DNAH1: variants seen among roughly 807,000 people sequenced by gnomAD.
DNAH1 encodes axonemal beta dynein heavy chain 1.
In DNAH1, 327 loss-of-function variants were observed where a neutral mutation model predicts 484.3. The observed-to-expected ratio is 0.68, with a 90% confidence interval of 0.62 to 0.74. The LOEUF (loss-of-function observed/expected upper bound fraction) is 0.74, where lower values mean the gene tolerates loss of function less well. Among genes scored for constraint, DNAH1 ranks in the 30% least tolerant of loss-of-function variants. The pLI is 0.00. For synonymous variants in DNAH1, 2,192 were observed against 2,191.9 expected, an observed-to-expected ratio of 1.00 and a Z score of 0.00; for missense variants, 5,052 against 5,546.8, an observed-to-expected ratio of 0.91 and a Z score of 2.83.
rs138320093 is a variant in DNAH1, at chr3:52,363,082, A to T, written c.5182A>T (p.Ser1728Cys). 1,155 of 1,613,968 alleles carry T rather than the reference A, an allele frequency of 7.2e-4. 17 individuals are homozygous for T. In the Admixed American group the frequency reaches 0.017, roughly 24 times the overall value. ...CTATTCCTTTGGCTTTAATGAGGCC[A>T]GTGTGCTGGCTAAGAAGATCACAAC... Reference protein sequence around the residue: ...SLYSFGFNEASVLAKKITTTF... With the variant: ...SLYSFGFNEACVLAKKITTTF... The change falls in exon 32 of 78, where the codon AGT becomes TGT. Residue 1728 changes from serine (S) to cysteine (C), a missense_variant. By Grantham distance (112) the Ser-to-Cys change is moderately radical. This residue lies in a region of DNAH1 where 2,929 missense variants were observed against 3,409.4 expected (regional missense o/e 0.86). Coordinates refer to ENST00000420323, the MANE Select transcript of DNAH1 (RefSeq NM_015512.5).
intron 3 of DNAH1, among the ~76,000 whole-genome samples, chr3:52,325,433 C>T (rs1267441232): frequency 6.6e-6 from 1 of 152,174 alleles, no homozygotes; most frequent in African/African-American, 2.4e-5. Flanking sequence ...CCATCCCCTC[C>T]TAAAGCAAAT....
chr3:52,375,148 T>C, intron 44 of DNAH1, 92 bp from the exon 45 acceptor site: 1 of 1,392,540 alleles, frequency 7.2e-7, no homozygotes, highest in Non-Finnish European at 9.7e-7. Flanking sequence ...TGTTCTAAAG[T>C]ATAATTTTGA....
rs1467789390 is a variant in DNAH1 at position 52,322,818 on chromosome 3, C to T, written c.333+43C>T. On this transcript the variant is annotated intron_variant, in intron 2 of 77. Coordinates refer to ENST00000420323, the MANE Select transcript of DNAH1 (RefSeq NM_015512.5). ...CCCCTACCAAGCCTCAACCCTTCCT[C>T]TGGGCTCCGTTCACCCATCCTTTCA... 2.0e-6 allele frequency: 3 copies of T among 1,521,280 alleles called. No homozygotes were observed. The African/African-American group carries it at 4.1e-5, about 21-fold the overall frequency. The allele number at this position is 1,521,280 out of a possible 1,614,324, so 94.2% of individuals were successfully genotyped here.
intron 18 of DNAH1, 27 bp downstream of exon 18, chr3:52,352,734 C>A: frequency 6.3e-7 from 1 of 1,598,868 alleles, no homozygotes. Context: ...CACCCTGCCC[C>A]CATGCCCCCA....
intron 8 of DNAH1, 77 bp downstream of exon 8, chr3:52,332,471 T>C: frequency 6.4e-7 from 1 of 1,559,342 alleles, no homozygotes; most frequent in Non-Finnish European, 8.7e-7. Flanking sequence ...TTGGTGCTAC[T>C]CCAGGGTGGA....
In DNAH1 at chr3:52,316,532, T is replaced by C. The variant is rs1700957089; in HGVS notation, c.-48T>C. 1 of 152,280 alleles carries C rather than the reference T, an allele frequency of 6.6e-6. No homozygotes were observed. Among genetic ancestry groups the C allele is most frequent in the African/African-American group, 2.4e-5 (1 of 41,440 alleles). 9.4% of individuals were successfully genotyped at this position (152,280 alleles called of 1,614,324 possible). On this transcript the variant is annotated 5_prime_UTR_variant, in exon 1 of 78. Coordinates refer to ENST00000420323, the MANE Select transcript of DNAH1 (RefSeq NM_015512.5). ...GGATTCAGGAAAGGTTGCACCACCA[T>C]CAGGTCTTGAAGGGTGAGTAGGAGT...
chr3:52,360,472 G>A (rs200069824), intron 28 of DNAH1, 48 bp downstream of exon 28: 1 of 1,508,558 alleles, frequency 6.6e-7, no homozygotes, highest in African/African-American at 1.4e-5. Context: ...CCTCCCTCTA[G>A]TTCTCTCTGG....
At chr3:52,352,478 C>T (rs765921788) in intron 17 of DNAH1, 74 bp from the exon 18 acceptor site, 46 of 1,551,388 alleles carry the variant, frequency 3.0e-5, no homozygotes, top group Admixed American at 1.5e-4. Context: ...CTCTGGTTCC[C>T]TGGGTTTGCA....
At chr3:52,366,939 G>A (rs1361631264) in intron 36 of DNAH1, 52 bp downstream of exon 36, 13 of 1,561,886 alleles carry the variant, frequency 8.3e-6, no homozygotes, top group Non-Finnish European at 1.0e-5. Context: ...GACCTCTGGA[G>A]GCTGTGGGCT....
intron 6 of DNAH1, among the ~76,000 whole-genome samples, chr3:52,330,780 T>C (rs1396737219): frequency 2.6e-5 from 4 of 152,050 alleles, no homozygotes; most frequent in Non-Finnish European, 5.9e-5. Context: ...TTGAAGGGGG[T>C]CCAACTCATT....
intron 42 of DNAH1, 69 bp downstream of exon 42, chr3:52,372,155 C>G: frequency 1.9e-6 from 3 of 1,609,864 alleles, no homozygotes; most frequent in Non-Finnish European, 2.5e-6. Context: ...CAGCCTCCCA[C>G]ATGGATGCAG....
chr3:52,355,131 C>T lies in DNAH1; in HGVS notation c.3693+76C>T. The T allele has an allele frequency of 1.4e-6, 2 of 1,453,226 alleles. No individual in the cohort carries two copies. Among genetic ancestry groups the T allele is most frequent in the South Asian group, 2.3e-5 (2 of 86,544 alleles). 90.0% of individuals were successfully genotyped at this position (1,453,226 alleles called of 1,614,324 possible). A position where few individuals can be genotyped will look rare whatever the true frequency, so the allele number is the denominator to read the frequency against. The stretch of plus-strand genomic sequence containing the variant: ...CCGACCCACAGGTGTCACTGATGGT[C>T]TCCGGGTGGGGTTCAAAGCATCGCA... On this transcript the variant is annotated intron_variant, in intron 21 of 77. Coordinates refer to ENST00000420323, the MANE Select transcript of DNAH1 (RefSeq NM_015512.5). This position sits in a 1 kb window ranked among gnomAD's most constrained non-coding sequence, Gnocchi z 4.5.
At chr3:52,398,816 C>G (rs188030309) in intron 75 of DNAH1, 34 bp from the exon 76 acceptor site, 246 of 1,475,326 alleles carry the variant, frequency 1.7e-4, no homozygotes, top group Non-Finnish European at 2.2e-5. Context: ...GTGACCCCAG[C>G]CCACTACCTA....
chr3:52,385,461 C>T lies in DNAH1; in HGVS notation c.8625+14C>T, dbSNP rs771357499. ...GAGCAGATCAAGGTTGGGGTGCTCCCGAGCCCCTCCCCAATGCCTGACTCT... is the reference window on the plus strand; with the variant it reads ...GAGCAGATCAAGGTTGGGGTGCTCCTGAGCCCCTCCCCAATGCCTGACTCT... On this transcript the variant is annotated intron_variant, in intron 54 of 77. Coordinates refer to ENST00000420323, the MANE Select transcript of DNAH1 (RefSeq NM_015512.5). 1.4e-4 allele frequency: 211 copies of T among 1,548,476 alleles called. No individual in the cohort carries two copies. Among genetic ancestry groups the T allele is most frequent in the Non-Finnish European group, 1.6e-4 (187 of 1,144,592 alleles).
Position 52,359,980 on chromosome 3 carries a change from C to T in DNAH1, c.4472C>T (p.Ala1491Val), listed in dbSNP as rs369943421. 7.4e-6 allele frequency: 12 copies of T among 1,613,918 alleles called. No individual in the cohort carries two copies. The highest frequency in any genetic ancestry group is 4.4e-5 in the South Asian group (4 of 91,088). Reference sequence around the variant, plus strand: ...CGCATGCAGCGGGCAGTGCTGTCAGCGCTAATCGTCATTGAGGTCCATGCC... The same window carrying T: ...CGCATGCAGCGGGCAGTGCTGTCAGTGCTAATCGTCATTGAGGTCCATGCC... ...LSRMQRAVLS[A>V]LIVIEVHAKD... Residue 1491 changes from alanine to valine, a missense_variant, in exon 27 of 78, where the codon GCG (alanine) becomes GTG (valine). Coordinates refer to ENST00000420323, the MANE Select transcript of DNAH1 (RefSeq NM_015512.5).
At chr3:52,337,454 G>C (rs968168676) in intron 8 of DNAH1, among the ~76,000 whole-genome samples, 1 of 152,140 alleles carries the variant, frequency 6.6e-6, no homozygotes, top group Non-Finnish European at 1.5e-5. Flanking sequence ...ATTCATTTTA[G>C]ATCAGTTTCT....
At chr3:52,373,119 C>T (rs969048213) in intron 44 of DNAH1, 66 bp downstream of exon 44, 11 of 1,507,594 alleles carry the variant, frequency 7.3e-6, no homozygotes, top group African/African-American at 2.8e-5. Flanking sequence ...ACAGGAGGCA[C>T]AGCACTGAAG....
intron 23 of DNAH1, 28 bp from the exon 24 acceptor site, chr3:52,357,870 C>T (rs377046288): frequency 1.6e-5 from 26 of 1,604,352 alleles, no homozygotes; most frequent in Admixed American, 5.0e-5. Context: ...CTGCACGACC[C>T]GCTTCCTCAC....
chr3:52,373,092 G>A (rs753438858), intron 44 of DNAH1, 39 bp downstream of exon 44: 28 of 1,581,280 alleles, frequency 1.8e-5, no homozygotes, highest in Middle Eastern at 1.7e-4. Context: ...CAAGGGCTAC[G>A]CGTGCTGTGC....
Sources: allele counts gnomAD v4.1 joint callset (sites outside exome capture counted in the v4.1 genomes callset), GRCh38; gene constraint gnomAD v4.1.1; regional missense constraint gnomAD v4.1.1; non-coding constraint Gnocchi (gnomAD v3.1); transcripts MANE v1.5; gene names NCBI Gene and HGNC (gene_info 2026-07-23, HGNC 2026-07-21).